RASAL2: variants seen among roughly 807,000 people sequenced by gnomAD.
RASAL2 encodes ras GTPase-activating protein nGAP.
A neutral mutation model predicts 128.9 loss-of-function variants in RASAL2; 58 were observed. The ratio of observed to expected loss-of-function variants is 0.45; its 90% CI spans 0.36 to 0.56. RASAL2 has a LOEUF of 0.56. RASAL2 is among the 20% of genes least tolerant of loss of function. RASAL2 has a pLI of 0.00. For missense variants in RASAL2, 1,360 were observed against 1,601.6 expected (o/e 0.85, Z 2.57); for synonymous variants, 561 against 580.8 (o/e 0.97, Z 0.49).
chr1:178,411,599 C>A, intron 4 of RASAL2: 1 of 730,588 alleles, frequency 1.4e-6, no homozygotes, highest in Non-Finnish European at 2.5e-6. Context: ...AGACGACATG[C>A]AGAAATGGCA....
At chr1:178,199,115 A>G (rs1662776451) in intron 1 of RASAL2, among the ~76,000 whole-genome samples, 1 of 152,220 alleles carries the variant, frequency 6.6e-6, no homozygotes, top group Non-Finnish European at 1.5e-5. Context: ...TGAGCCAGGC[A>G]TGGGATATAA....
intron 1 of RASAL2, among the ~76,000 whole-genome samples, chr1:178,142,355 AAAAATTCC>A (rs1462960190): frequency 6.6e-5 from 10 of 152,134 alleles, no homozygotes; most frequent in African/African-American, 2.4e-4. Flanking sequence ...ACTAGGGTGG[AAAAATTCC>A]TTTCCCTCCT....
At chr1:178,187,507 G>A (rs1409701105) in intron 1 of RASAL2, among the ~76,000 whole-genome samples, 1 of 151,998 alleles carries the variant, frequency 6.6e-6, no homozygotes, top group Non-Finnish European at 1.5e-5. Flanking sequence ...CCTACTGACT[G>A]ATTTTCTTTT....
At chr1:178,105,910 A>G (rs551237052) in intron 1 of RASAL2, among the ~76,000 whole-genome samples, 57 of 152,190 alleles carry the variant, frequency 3.7e-4, no homozygotes, top group African/African-American at 1.3e-3. Flanking sequence ...TTCTAAGCTC[A>G]AGCAATCCTC....
At chr1:178,364,567 C>T (rs1331270601) in intron 3 of RASAL2, among the ~76,000 whole-genome samples, 6 of 152,284 alleles carry the variant, frequency 3.9e-5, no homozygotes, top group African/African-American at 1.2e-4. Context: ...ATTGTTGCTA[C>T]AAGTATTCAA....
At chr1:178,435,974 C>A (rs1165027781) in intron 5 of RASAL2, among the ~76,000 whole-genome samples, 2 of 152,018 alleles carry the variant, frequency 1.3e-5, no homozygotes, top group African/African-American at 4.8e-5. Flanking sequence ...ATTCTGCTTT[C>A]TGTTAGAGGA....
intron 1 of RASAL2, among the ~76,000 whole-genome samples, chr1:178,149,162 G>T (rs1660829334): frequency 1.3e-5 from 2 of 152,086 alleles, no homozygotes; most frequent in Admixed American, 1.3e-4. Context: ...ACTAATTTGG[G>T]TATTAATGAT....
intron 7 of RASAL2, 33 bp from the exon 8 acceptor site, chr1:178,442,642 G>C (rs1416196166): frequency 5.8e-6 from 9 of 1,544,548 alleles, no homozygotes; most frequent in South Asian, 3.7e-5. Flanking sequence ...TGCAATGTCA[G>C]CTCTGAAATT....
intron 3 of RASAL2, among the ~76,000 whole-genome samples, chr1:178,354,536 G>A (rs1670696613): frequency 6.6e-6 from 1 of 152,168 alleles, no homozygotes; most frequent in African/African-American, 2.4e-5. Context: ...AAGAAAATAT[G>A]TAAGGATTAG....
intron 3 of RASAL2, among the ~76,000 whole-genome samples, chr1:178,376,931 T>TC (rs1046254557): frequency 1.3e-5 from 2 of 152,164 alleles, no homozygotes; most frequent in African/African-American, 4.8e-5. Context: ...TGTAGTCCCA[T>TC]AACCTTTTCA....
intron 1 of RASAL2, among the ~76,000 whole-genome samples, chr1:178,169,306 A>G (rs1412097780): frequency 6.6e-6 from 1 of 152,142 alleles, no homozygotes; most frequent in Non-Finnish European, 1.5e-5. Context: ...GAGAAACCCC[A>G]GGGGATCTTT....
chr1:178,204,682 A>G (rs1489815121), intron 1 of RASAL2, among the ~76,000 whole-genome samples: 1 of 152,226 alleles, frequency 6.6e-6, no homozygotes, highest in Non-Finnish European at 1.5e-5. Flanking sequence ...TGACTTTAAG[A>G]TTTGAGTAAA....
intron 1 of RASAL2, among the ~76,000 whole-genome samples, chr1:178,235,246 G>A (rs1664180288): frequency 6.6e-6 from 1 of 152,158 alleles, no homozygotes. Context: ...TCAATGGTTA[G>A]CATGTGTGCA....
chr1:178,305,491 A>G (rs1017384627), intron 3 of RASAL2, among the ~76,000 whole-genome samples: 10 of 152,200 alleles, frequency 6.6e-5, no homozygotes, highest in African/African-American at 2.4e-4. Flanking sequence ...ACAAATCCAC[A>G]CACCTACAGT....
At chr1:178,227,241 A>T (rs191475690) in intron 1 of RASAL2, among the ~76,000 whole-genome samples, 1 of 150,878 alleles carries the variant, frequency 6.6e-6, no homozygotes, top group East Asian at 1.9e-4. Flanking sequence ...TGTGTTTCTT[A>T]GCCATTTAAA....
chr1:178,417,101 T>C (rs903130451), intron 4 of RASAL2, among the ~76,000 whole-genome samples: 2 of 152,086 alleles, frequency 1.3e-5, no homozygotes, highest in African/African-American at 4.8e-5. Context: ...ATTTTCTATT[T>C]CTTTCTCTTT....
At chr1:178,200,717 G>C (rs2101966153) in intron 1 of RASAL2, among the ~76,000 whole-genome samples, 1 of 152,296 alleles carries the variant, frequency 6.6e-6, no homozygotes, top group Admixed American at 6.5e-5. Flanking sequence ...GCATTTACTG[G>C]AAAAGAATGG....
At chr1:178,173,691 C>T (rs766785723) in intron 1 of RASAL2, among the ~76,000 whole-genome samples, 21 of 152,024 alleles carry the variant, frequency 1.4e-4, no homozygotes, top group Non-Finnish European at 2.8e-4. Context: ...GTAGCCTTAC[C>T]TTTACCACTA....
chr1:178,162,216 C>T (rs918492378), intron 1 of RASAL2, among the ~76,000 whole-genome samples: 33 of 146,190 alleles, frequency 2.3e-4, no homozygotes, highest in African/African-American at 6.6e-4. Flanking sequence ...CTGCCCGCGT[C>T]GGCCTCCCAG....
Sources: allele counts gnomAD v4.1 joint callset (sites outside exome capture counted in the v4.1 genomes callset), GRCh38; gene constraint gnomAD v4.1.1; transcripts MANE v1.5; gene names NCBI Gene and HGNC (gene_info 2026-07-23, HGNC 2026-07-21).